Variants in KCTD8 observed in about 807,000 individuals in gnomAD.
KCTD8 encodes potassium channel tetramerization domain containing 8, also known as BTB/POZ domain-containing protein KCTD8.
In KCTD8, 27 loss-of-function variants were observed where a neutral mutation model predicts 31.5. That is an observed-to-expected ratio of 0.86 (90% CI 0.63 to 1.18). The LOEUF (loss-of-function observed/expected upper bound fraction) is 1.18, where lower values mean the gene tolerates loss of function less well. Ranked by LOEUF, KCTD8 falls within the 50% of genes most tolerant of loss-of-function variation. The pLI is 0.00. For synonymous variants in KCTD8, 290 were observed against 280.0 expected, an observed-to-expected ratio of 1.04 and a Z score of -0.36; for missense variants, 658 against 647.7, an observed-to-expected ratio of 1.02 and a Z score of -0.17.
chr4:44,364,861 A>T (rs1212537267), intron 1 of KCTD8, among the ~76,000 whole-genome samples: 1 of 151,982 alleles, frequency 6.6e-6, no homozygotes, highest in Admixed American at 6.6e-5. Flanking sequence ...AAAACTATAA[A>T]GCCAGTAAAA....
At chr4:44,408,202 A>G (rs1325727876) in intron 1 of KCTD8, among the ~76,000 whole-genome samples, 1 of 152,190 alleles carries the variant, frequency 6.6e-6, no homozygotes, top group African/African-American at 2.4e-5. Flanking sequence ...ATACCCAATG[A>G]AAGACTAAAT....
At chr4:44,282,662 A>C (rs2109379619) in intron 1 of KCTD8, among the ~76,000 whole-genome samples, 1 of 152,288 alleles carries the variant, frequency 6.6e-6, no homozygotes, top group African/African-American at 2.4e-5. Context: ...AAGGAAAGTA[A>C]AAGTGCTAAG....
intron 1 of KCTD8, among the ~76,000 whole-genome samples, chr4:44,442,544 C>G (rs1382462745): frequency 6.6e-6 from 1 of 152,026 alleles, no homozygotes; most frequent in Non-Finnish European, 1.5e-5. Flanking sequence ...CCGAGTCACA[C>G]CACTGCACTC....
At chr4:44,430,131 G>T (rs1414219641) in intron 1 of KCTD8, among the ~76,000 whole-genome samples, 2 of 151,726 alleles carry the variant, frequency 1.3e-5, no homozygotes, top group African/African-American at 4.8e-5. Context: ...AGTACTAAAG[G>T]TCTATTGAAA....
At chr4:44,351,739 G>A (rs1719200464) in intron 1 of KCTD8, among the ~76,000 whole-genome samples, 1 of 152,036 alleles carries the variant, frequency 6.6e-6, no homozygotes, top group Admixed American at 6.6e-5. Flanking sequence ...TAATGAATGT[G>A]ATCTTTCACT....
chr4:44,448,428 G>A lies in KCTD8; in HGVS notation c.96C>T (p.Ala32=), dbSNP rs769210211. ...GCGAGGGTGCGCAGGGCCCCGGGGCGGCGGCGGCCGACGCGCCGGGCGAGC... is the reference window on the plus strand; with the variant it reads ...GCGAGGGTGCGCAGGGCCCCGGGGCAGCGGCGGCCGACGCGCCGGGCGAGC... ...SSSSPGASAA[A]APGPCAPSPF... The change falls in exon 1 of 2, where the codon GCC becomes GCT. Residue 32 remains alanine (A), a synonymous_variant. Coordinates refer to ENST00000360029, the MANE Select transcript of KCTD8 (RefSeq NM_198353.3). The surrounding 1 kb of genome is among the most constrained non-coding windows in gnomAD (Gnocchi z 4.1). 6.4e-7 allele frequency: 1 copy of A among 1,555,274 alleles called. No individual in the cohort carries two copies. Among genetic ancestry groups the A allele is most frequent in the Admixed American group, 2.1e-5 (1 of 47,422 alleles).
At chr4:44,446,213 T>A (rs1718728625) in intron 1 of KCTD8, among the ~76,000 whole-genome samples, 1 of 152,234 alleles carries the variant, frequency 6.6e-6, no homozygotes, top group African/African-American at 2.4e-5. Context: ...AGCTTGCACC[T>A]GTGCAAGGAG....
At chr4:44,246,497 G>T (rs1295553210) in intron 1 of KCTD8, among the ~76,000 whole-genome samples, 1 of 151,916 alleles carries the variant, frequency 6.6e-6, no homozygotes, top group African/African-American at 2.4e-5. Flanking sequence ...CCTCTTTCAA[G>T]ATAAAGGAAA....
At chr4:44,377,901 C>G (rs959096480) in intron 1 of KCTD8, among the ~76,000 whole-genome samples, 2 of 152,080 alleles carry the variant, frequency 1.3e-5, no homozygotes, top group African/African-American at 4.8e-5. Context: ...GATAAAAAAT[C>G]ATTCCTTTCC....
At chr4:44,237,245 T>A (rs752038719) in intron 1 of KCTD8, among the ~76,000 whole-genome samples, 13 of 152,248 alleles carry the variant, frequency 8.5e-5, no homozygotes, top group African/African-American at 1.4e-4. Context: ...CTTTTTTTTT[T>A]AATACCTTTT....
At chr4:44,230,519 T>C (rs41387744) in intron 1 of KCTD8, among the ~76,000 whole-genome samples, 4,673 of 152,318 alleles carry the variant, frequency 0.031, 247 homozygotes, top group African/African-American at 0.11. Flanking sequence ...ATTTCACCAT[T>C]TCCCATCATC....
intron 1 of KCTD8, among the ~76,000 whole-genome samples, chr4:44,388,763 T>C (rs1720290609): frequency 6.6e-6 from 1 of 151,674 alleles, no homozygotes; most frequent in Admixed American, 6.6e-5. Flanking sequence ...CTAGGTTTAA[T>C]ACCTGGGTGA....
At chr4:44,220,550 A>G (rs1015798289) in intron 1 of KCTD8, among the ~76,000 whole-genome samples, 1 of 152,150 alleles carries the variant, frequency 6.6e-6, no homozygotes, top group Admixed American at 6.5e-5. Context: ...TAATTCTGCA[A>G]TCCACTAAGG....
chr4:44,359,000 C>A (rs550123170), intron 1 of KCTD8, among the ~76,000 whole-genome samples: 6 of 152,086 alleles, frequency 3.9e-5, no homozygotes, highest in Admixed American at 1.3e-4. Flanking sequence ...ATATCCTTCA[C>A]CCATTTTGAT....
intron 1 of KCTD8, among the ~76,000 whole-genome samples, chr4:44,443,059 T>A (rs1012503421): frequency 2.6e-5 from 4 of 152,214 alleles, no homozygotes; most frequent in African/African-American, 7.2e-5. Flanking sequence ...CACTCCAAGA[T>A]TTTTGTCATT....
intron 1 of KCTD8, among the ~76,000 whole-genome samples, chr4:44,292,102 A>G (rs1364680868): frequency 6.6e-6 from 1 of 152,104 alleles, no homozygotes; most frequent in Non-Finnish European, 1.5e-5. Context: ...GTCCCATTCA[A>G]CCCAGCAATC....
At chr4:44,320,738 A>G (rs1239234361) in intron 1 of KCTD8, among the ~76,000 whole-genome samples, 1 of 152,104 alleles carries the variant, frequency 6.6e-6, no homozygotes, top group Non-Finnish European at 1.5e-5. Context: ...ATGCTAATGA[A>G]CATATAATAA....
intron 1 of KCTD8, among the ~76,000 whole-genome samples, chr4:44,225,302 C>T (rs1031210972): frequency 3.9e-5 from 6 of 152,312 alleles, no homozygotes; most frequent in African/African-American, 1.4e-4. Flanking sequence ...GCTTTGTTTC[C>T]ACAGCTGAAG....
chr4:44,345,856 A>G (rs1719023212), intron 1 of KCTD8, among the ~76,000 whole-genome samples: 1 of 152,104 alleles, frequency 6.6e-6, no homozygotes, highest in African/African-American at 2.4e-5. Flanking sequence ...ATAATTTAAG[A>G]CTGATTTATA....
Sources: gnomAD v4.1 joint callset for allele counts (sites outside exome capture counted in the v4.1 genomes callset) on GRCh38, gnomAD v4.1.1 for gene constraint, Gnocchi (gnomAD v3.1) non-coding constraint, MANE v1.5 for transcripts, NCBI Gene and HGNC (gene_info 2026-07-23, HGNC 2026-07-21) for gene names.